The following ENOX1 variants were observed in gnomAD, a reference collection of about 807,000 sequenced individuals.
ENOX1 encodes candidate growth-related and time keeping constitutive hydroquinone (NADH) oxidase.
Under a neutral mutation model 82.5 loss-of-function variants are expected in ENOX1, and 42 were observed. That is an observed-to-expected ratio of 0.51 (90% CI 0.40 to 0.66). ENOX1 has a LOEUF of 0.66. Among genes scored for constraint, ENOX1 ranks in the 30% least tolerant of loss-of-function variants. The pLI is 0.00. For synonymous variants in ENOX1, 271 were observed against 282.2 expected, an observed-to-expected ratio of 0.96 and a Z score of 0.40; for missense variants, 608 against 811.6, an observed-to-expected ratio of 0.75 and a Z score of 3.05.
intron 1 of ENOX1, among the ~76,000 whole-genome samples, chr13:43,740,846 A>T (rs1233057149): frequency 6.6e-6 from 1 of 152,322 alleles, no homozygotes; most frequent in South Asian, 2.1e-4. Context: ...GATGAATAAT[A>T]TTCCATTGTC....
In ENOX1 at chr13:43,403,664, T is replaced by G. The variant is rs977985200; in HGVS notation, c.208+8252A>C. On this transcript the variant is annotated intron_variant, in intron 5 of 16. Transcript: ENST00000690772. ...GAGTTAGAGCCCAGCCTGGGCAACA[T>G]GGTGTGAATTCCCATCTTTCCTAAA... 3.3e-5 allele frequency among the ~76,000 whole-genome samples: 5 copies of G among 151,898 alleles called. No homozygotes were observed. The South Asian group carries it at 1.0e-3, about 32-fold the overall frequency.
chr13:43,548,557 G>A (rs572600401), intron 2 of ENOX1, among the ~76,000 whole-genome samples: 2 of 152,290 alleles, frequency 1.3e-5, no homozygotes, highest in South Asian at 2.1e-4. Context: ...ACATCATGCA[G>A]CAACCTCAGT....
intron 2 of ENOX1, among the ~76,000 whole-genome samples, chr13:43,658,346 G>A (rs2084548194): frequency 1.3e-5 from 2 of 151,906 alleles, no homozygotes; most frequent in Non-Finnish European, 1.5e-5. Flanking sequence ...TTAGTTTTTT[G>A]ATTTCAGGTA....
intron 15 of ENOX1, among the ~76,000 whole-genome samples, chr13:43,228,095 C>CTTTTTTT (rs551861545): frequency 3.5e-5 from 3 of 84,722 alleles, no homozygotes; most frequent in African/African-American, 1.4e-4. Flanking sequence ...CTCTTTGCAG[C>CTTTTTTT]TTTTTTTTTT....
At chr13:43,524,077 T>C (rs2077888723) in intron 2 of ENOX1, among the ~76,000 whole-genome samples, 1 of 152,118 alleles carries the variant, frequency 6.6e-6, no homozygotes, top group Non-Finnish European at 1.5e-5. Flanking sequence ...ACAGCCATCG[T>C]ACAAGTTTCA....
chr13:43,543,949 C>T (rs1353591885), intron 2 of ENOX1: 1 of 117,346 alleles, frequency 8.5e-6, no homozygotes, highest in African/African-American at 3.3e-5. Flanking sequence ...TGTAGTCTCA[C>T]TCTGTCTCCC....
intron 7 of ENOX1, among the ~76,000 whole-genome samples, chr13:43,356,613 A>G (rs959107145): frequency 1.3e-5 from 2 of 152,188 alleles, no homozygotes; most frequent in African/African-American, 4.8e-5. Context: ...AAGAGCATCT[A>G]TGATATTTAA....
At chr13:43,364,968 T>C (rs768414615) in intron 5 of ENOX1, among the ~76,000 whole-genome samples, 61 of 152,158 alleles carry the variant, frequency 4.0e-4, no homozygotes, top group Non-Finnish European at 7.2e-4. Flanking sequence ...GTGGCCACAA[T>C]GTCTGGAGAG....
At chr13:43,417,509 C>T (rs1302889098) in intron 3 of ENOX1, among the ~76,000 whole-genome samples, 1 of 152,160 alleles carries the variant, frequency 6.6e-6, no homozygotes, top group African/African-American at 2.4e-5. Context: ...ACTTTGTTAG[C>T]ATCTATTGTT....
intron 11 of ENOX1, among the ~76,000 whole-genome samples, chr13:43,309,392 A>G (rs2047058762): frequency 6.6e-6 from 1 of 152,116 alleles, no homozygotes; most frequent in African/African-American, 2.4e-5. Context: ...TCTCACTCAT[A>G]GAGGTCCCTT....
intron 12 of ENOX1, among the ~76,000 whole-genome samples, chr13:43,291,627 A>G (rs1039022121): frequency 3.3e-5 from 5 of 151,780 alleles, no homozygotes; most frequent in Admixed American, 3.3e-4. Flanking sequence ...AATACTCTCC[A>G]TGCTTCCCAC....
chr13:43,213,833 C>T lies in ENOX1; in HGVS notation c.*157G>A, dbSNP rs1189628201. The T allele has an allele frequency of 1.4e-5, 9 of 654,700 alleles. No homozygotes were observed. The highest frequency in any genetic ancestry group is 2.2e-5 in the Non-Finnish European group (9 of 413,334). The allele number at this position is 654,700 out of a possible 1,614,324, so 40.6% of individuals were successfully genotyped here. On this transcript the variant is annotated 3_prime_UTR_variant, in exon 17 of 17. Coordinates refer to ENST00000690772, the MANE Select transcript of ENOX1 (RefSeq NM_001347969.2). ...AGAAACTGGTACACAATTACATTTC[C>T]ACTTACAAGAGAACGCCACAGATAT... is the stretch of plus-strand genomic sequence containing the variant.
intron 2 of ENOX1, among the ~76,000 whole-genome samples, chr13:43,502,880 T>C (rs972737155): frequency 5.3e-5 from 8 of 151,326 alleles, no homozygotes; most frequent in African/African-American, 1.9e-4. Context: ...GAAATATATA[T>C]ATATTTTTTA....
At chr13:43,511,495 G>C (rs563217093) in intron 2 of ENOX1, among the ~76,000 whole-genome samples, 1 of 152,194 alleles carries the variant, frequency 6.6e-6, no homozygotes, top group Admixed American at 6.5e-5. Context: ...AGATTGACCT[G>C]AAATGCTCTA....
At chr13:43,382,313 T>C (rs1397513808) in intron 5 of ENOX1, among the ~76,000 whole-genome samples, 1 of 152,152 alleles carries the variant, frequency 6.6e-6, no homozygotes, top group African/African-American at 2.4e-5. Flanking sequence ...CTGACATCCA[T>C]TCTCTCAGTA....
intron 2 of ENOX1, among the ~76,000 whole-genome samples, chr13:43,591,267 C>T (rs2081234183): frequency 6.6e-6 from 1 of 152,162 alleles, no homozygotes; most frequent in South Asian, 2.1e-4. Context: ...TCATTAAAAA[C>T]TTCTGAATAG....
At chr13:43,707,487 G>A (rs908630178) in intron 1 of ENOX1, among the ~76,000 whole-genome samples, 1 of 152,250 alleles carries the variant, frequency 6.6e-6, no homozygotes, top group Admixed American at 6.5e-5. Flanking sequence ...TGTAATCCCA[G>A]CACTTTGGGA....
chr13:43,391,370 CA>C (rs1193062422), intron 5 of ENOX1, among the ~76,000 whole-genome samples: 2 of 152,116 alleles, frequency 1.3e-5, no homozygotes, highest in Non-Finnish European at 2.9e-5. Context: ...CCCATGGTGC[CA>C]GTCATGCTGA....
At chr13:43,242,485 C>T (rs2042885837) in intron 14 of ENOX1, among the ~76,000 whole-genome samples, 1 of 152,170 alleles carries the variant, frequency 6.6e-6, no homozygotes, top group Non-Finnish European at 1.5e-5. Context: ...TGTTCTTTAC[C>T]ACCAACTGAC....
Sources: allele counts gnomAD v4.1 joint callset (sites outside exome capture counted in the v4.1 genomes callset), GRCh38; gene constraint gnomAD v4.1.1; transcripts MANE v1.5; gene names NCBI Gene and HGNC (gene_info 2026-07-23, HGNC 2026-07-21).